AGBL4: variants seen among roughly 807,000 people sequenced by gnomAD.
AGBL4 encodes the protein AGBL carboxypeptidase 4, also known as cytosolic carboxypeptidase 6.
Under a neutral mutation model 66.4 loss-of-function variants are expected in AGBL4, and 58 were observed. The ratio of observed to expected loss-of-function variants is 0.87; its 90% CI spans 0.71 to 1.09. AGBL4 has a LOEUF of 1.09. Ranked by LOEUF, AGBL4 falls within the 50% of genes least tolerant of loss-of-function variation. AGBL4 has a pLI of 0.00. For missense variants in AGBL4, 579 were observed against 631.0 expected (o/e 0.92, Z 0.88); for synonymous variants, 234 against 222.9 (o/e 1.05, Z -0.44).
intron 3 of AGBL4, among the ~76,000 whole-genome samples, chr1:49,355,809 C>T (rs1644007223): frequency 6.6e-6 from 1 of 152,180 alleles, no homozygotes; most frequent in Admixed American, 6.5e-5. Context: ...GCATGCTATT[C>T]TAATTTTCAT....
At chr1:49,708,137 T>C (rs575004103) in intron 2 of AGBL4, among the ~76,000 whole-genome samples, 3 of 152,196 alleles carry the variant, frequency 2.0e-5, no homozygotes, top group Non-Finnish European at 4.4e-5. Flanking sequence ...GATAATATCC[T>C]GAAGAGTGTT....
rs556653155 is a variant in AGBL4 at position 49,029,712 on chromosome 1, T to C, written c.594+15872A>G. On this transcript the variant is annotated intron_variant, in intron 5 of 13. Transcript: ENST00000371839. ...ATTCACATAAAAATGCATGGCACCATGTATAGCCAAAACAATCTTGAAGAA... is the reference window on the plus strand; with the variant it reads ...ATTCACATAAAAATGCATGGCACCACGTATAGCCAAAACAATCTTGAAGAA... Among the ~76,000 whole-genome samples the C allele has an allele frequency of 4.7e-4, 71 of 152,300 alleles. 1 individual carries two copies. The South Asian group carries it at 0.014, about 31-fold the overall frequency.
At chr1:49,999,594 T>C (rs1247369807) in intron 1 of AGBL4, among the ~76,000 whole-genome samples, 2 of 151,966 alleles carry the variant, frequency 1.3e-5, no homozygotes, top group Non-Finnish European at 2.9e-5. Flanking sequence ...AAAATTCACA[T>C]GGAACCAAAA....
intron 1 of AGBL4, among the ~76,000 whole-genome samples, chr1:49,938,742 A>C (rs1032858378): frequency 6.6e-6 from 1 of 152,180 alleles, no homozygotes; most frequent in Non-Finnish European, 1.5e-5. Flanking sequence ...CAAAGACAAA[A>C]ACCACATGAT....
intron 1 of AGBL4, among the ~76,000 whole-genome samples, chr1:50,007,610 CA>C (rs1661233224): frequency 6.6e-6 from 1 of 151,848 alleles, no homozygotes; most frequent in African/African-American, 2.4e-5. Context: ...AAAAACAAAA[CA>C]AAATGAAAAG....
Position 48,810,244 on chromosome 1 carries a change from T to C in AGBL4, c.634+56947A>G, listed in dbSNP as rs371174939. 1.1e-4 allele frequency among the ~76,000 whole-genome samples: 16 copies of C among 152,184 alleles called. No homozygotes were observed. In the East Asian group the frequency reaches 1.3e-3, roughly 13 times the overall value. The stretch of plus-strand genomic sequence containing the variant: ...GGGGATACAAGTCCACAATAGAGAG[T>C]TGGGCACTGAGTAGCCTCCACTGTT... On this transcript the variant is annotated intron_variant, in intron 6 of 13. Coordinates refer to ENST00000371839, the MANE Select transcript of AGBL4 (RefSeq NM_032785.4).
At chr1:49,262,064 A>G (rs1367565145) in intron 3 of AGBL4, among the ~76,000 whole-genome samples, 1 of 152,006 alleles carries the variant, frequency 6.6e-6, no homozygotes, top group Non-Finnish European at 1.5e-5. Context: ...TGGGGAAAGG[A>G]TTCCCTATTT....
intron 3 of AGBL4, among the ~76,000 whole-genome samples, chr1:49,669,809 G>A (rs78607346): frequency 0.053 from 8,097 of 152,076 alleles, 242 homozygotes; most frequent in African/African-American, 0.071. Context: ...TAAGTTTCCA[G>A]TGTATACATA....
In AGBL4 at chr1:49,633,371, A is replaced by G. The variant is rs1645608365; in HGVS notation, c.282+63942T>C. On this transcript the variant is annotated intron_variant, in intron 3 of 13. Coordinates refer to ENST00000371839, the MANE Select transcript of AGBL4 (RefSeq NM_032785.4). ...AATTTAGCACAGACTGACATATTGG[A>G]GGGGCTCAAGGAAGATTTGTTAAAA... 2.0e-5 allele frequency among the ~76,000 whole-genome samples: 3 copies of G among 152,222 alleles called. No homozygotes were observed. In the South Asian group the frequency reaches 6.2e-4, roughly 31 times the overall value.
At chr1:49,600,812 C>G (rs76183787) in intron 3 of AGBL4, among the ~76,000 whole-genome samples, 1 of 152,276 alleles carries the variant, frequency 6.6e-6, no homozygotes, top group African/African-American at 2.4e-5. Flanking sequence ...CCGCTGGTGA[C>G]AAAATCTCTC....
intron 3 of AGBL4, among the ~76,000 whole-genome samples, chr1:49,323,657 G>A (rs1025903089): frequency 1.3e-5 from 2 of 151,370 alleles, no homozygotes; most frequent in South Asian, 4.2e-4. Flanking sequence ...GTGGTGGCGG[G>A]TGCCGGTAGA....
At chr1:49,297,981 G>A (rs369400078) in intron 3 of AGBL4, among the ~76,000 whole-genome samples, 17 of 152,204 alleles carry the variant, frequency 1.1e-4, no homozygotes, top group South Asian at 6.2e-4. Flanking sequence ...CCCAACTTCC[G>A]GCCAGGAGGC....
intron 3 of AGBL4, among the ~76,000 whole-genome samples, chr1:49,509,621 T>G (rs779895878): frequency 1.3e-5 from 2 of 151,958 alleles, no homozygotes; most frequent in East Asian, 3.9e-4. Flanking sequence ...AGGGAGTCAT[T>G]GGAGGTTTCT....
chr1:49,836,178 CT>C (rs1160737936), intron 2 of AGBL4, among the ~76,000 whole-genome samples: 1 of 152,172 alleles, frequency 6.6e-6, no homozygotes. Flanking sequence ...TGTTTTCCAA[CT>C]TGGTTCCATT....
At chr1:48,695,929 C>A (rs1401647372) in intron 6 of AGBL4, among the ~76,000 whole-genome samples, 1 of 151,858 alleles carries the variant, frequency 6.6e-6, no homozygotes, top group Non-Finnish European at 1.5e-5. Context: ...CTCCACTTGA[C>A]CCACTGGCCT....
At chr1:49,701,722 A>C (rs935591901) in intron 2 of AGBL4, among the ~76,000 whole-genome samples, 1 of 152,180 alleles carries the variant, frequency 6.6e-6, no homozygotes, top group Non-Finnish European at 1.5e-5. Context: ...GATCAACAAA[A>C]GTGACAACTT....
At chr1:49,251,496 C>A (rs147509893) in intron 3 of AGBL4, among the ~76,000 whole-genome samples, 29 of 152,276 alleles carry the variant, frequency 1.9e-4, no homozygotes, top group Non-Finnish European at 3.7e-4. Flanking sequence ...TTAGCAATTA[C>A]TCTTGCTTGA....
intron 1 of AGBL4, among the ~76,000 whole-genome samples, chr1:49,948,119 T>C (rs1407590126): frequency 1.3e-5 from 1 of 79,290 alleles, no homozygotes; most frequent in African/African-American, 4.9e-5. Flanking sequence ...TAAATGTATG[T>C]AAATATATAT....
At chr1:49,917,928 A>T (rs146703951) in intron 1 of AGBL4, among the ~76,000 whole-genome samples, 14,305 of 152,160 alleles carry the variant, frequency 0.094, 898 homozygotes, top group African/African-American at 0.17. Context: ...GGATTAAGAA[A>T]CTCACTCAAA....
Sources: allele counts gnomAD v4.1 joint callset (sites outside exome capture counted in the v4.1 genomes callset), GRCh38; gene constraint gnomAD v4.1.1; transcripts MANE v1.5; gene names NCBI Gene and HGNC (gene_info 2026-07-23, HGNC 2026-07-21).